Variants in HPD observed in about 807,000 individuals in gnomAD.
The protein encoded by HPD is 4-hydroxyphenylpyruvate dioxygenase.
Under a neutral mutation model 56.9 loss-of-function variants are expected in HPD, and 35 were observed. That is an observed-to-expected ratio of 0.62 (90% CI 0.47 to 0.82). HPD has a LOEUF of 0.82. HPD is among the 40% of genes least tolerant of loss of function. The probability of loss-of-function intolerance (pLI) is 0.00; values close to 1 mark genes in which losing one functional copy is unlikely to be tolerated. For synonymous variants in HPD, 186 were observed against 200.2 expected (o/e 0.93, Z 0.60); for missense variants, 442 against 506.8 (o/e 0.87, Z 1.23).
At chr12:121,860,014 T>C (rs1450130728), upstream of HPD, among the ~76,000 whole-genome samples, 1 of 152,068 alleles carries the variant, frequency 6.6e-6, no homozygotes, top group Non-Finnish European at 1.5e-5. Context: ...AAACATTAGC[T>C]GGGCACGGTG....
intron 8 of HPD, among the ~76,000 whole-genome samples, 171 bp downstream of exon 8, chr12:121,849,516 A>G (rs1335604822): frequency 1.3e-5 from 2 of 152,096 alleles, no homozygotes; most frequent in Non-Finnish European, 2.9e-5. Context: ...TGCAGAGGCC[A>G]TGGTCTCAGC....
chr12:121,843,302 G>A (rs1049337600), intron 12 of HPD, among the ~76,000 whole-genome samples: 26 of 152,134 alleles, frequency 1.7e-4, no homozygotes, highest in Admixed American at 1.4e-3. Context: ...ATCCACTCTA[G>A]CCTATTCTTT....
intron 8 of HPD, 113 bp from the exon 9 acceptor site, chr12:121,849,189 T>G: frequency 1.4e-6 from 1 of 723,734 alleles, no homozygotes; most frequent in South Asian, 1.5e-5. Flanking sequence ...GAGTTCTATT[T>G]TTTTGTAGAG....
At chr12:121,847,301 C>T (rs1430215811) in intron 9 of HPD, 87 bp from the exon 10 acceptor site, 10 of 1,258,550 alleles carry the variant, frequency 7.9e-6, no homozygotes, top group Admixed American at 7.2e-5. Context: ...GAATCTGTCC[C>T]TGAGCAGGCT....
rs1247431714 is a variant in HPD at position 121,857,332 on chromosome 12, C to T, written c.194G>A (p.Gly65Glu). The T allele has an allele frequency of 1.2e-6, 2 of 1,610,308 alleles. No individual in the cohort carries two copies. Among genetic ancestry groups the T allele is most frequent in the Non-Finnish European group, 1.7e-6 (2 of 1,176,550 alleles). ...REVVSHVIKQGKIVFVLSSAL... is the reference protein window; with the variant it reads ...REVVSHVIKQEKIVFVLSSAL... ...GTCCTGGGGGTGGTGACTCACCTTCCCTTGTTTGATTACATGGCTGACCAC... is the reference window on the plus strand; with the variant it reads ...GTCCTGGGGGTGGTGACTCACCTTCTCTTGTTTGATTACATGGCTGACCAC... The change falls in exon 4 of 14, where the codon GGG (glycine) becomes GAG (glutamate). Residue 65 changes from glycine to glutamate, a missense_variant. Transcript: ENST00000289004.
intron 11 of HPD, among the ~76,000 whole-genome samples, 180 bp downstream of exon 11, chr12:121,846,682 C>CT (rs1877593835): frequency 6.6e-6 from 1 of 152,152 alleles, no homozygotes; most frequent in Non-Finnish European, 1.5e-5. Flanking sequence ...AGACTGAACT[C>CT]TCTGGGGGTG....
rs560715209 is a variant in HPD, at chr12:121,839,777, C to G, written c.1133G>C (p.Arg378Pro). ...FKAFEEEQNL[R>P]GNLTNMETNG... ...GGTCTCCATGTTGGTGAGGTTACCCCGCAGGTTCTGCTCCTCCTCGAAAGC... is the reference window on the plus strand; with the variant it reads ...GGTCTCCATGTTGGTGAGGTTACCCGGCAGGTTCTGCTCCTCCTCGAAAGC... Residue 378 changes from arginine (R) to proline (P), a missense_variant, in exon 14 of 14, where the codon CGG (arginine) becomes CCG (proline). By Grantham distance (103) the Arg-to-Pro change is moderately radical. Coordinates refer to ENST00000289004, the MANE Select transcript of HPD (RefSeq NM_002150.3). 1.2e-6 allele frequency: 2 copies of G among 1,614,182 alleles called. No individual in the cohort carries two copies. Among genetic ancestry groups the G allele is most frequent in the African/African-American group, 1.3e-5 (1 of 75,048 alleles).
upstream of HPD, among the ~76,000 whole-genome samples, chr12:121,864,778 G>C (rs902305352): frequency 1.3e-5 from 2 of 151,328 alleles, no homozygotes; most frequent in Non-Finnish European, 1.5e-5. Flanking sequence ...GAGTGAACCC[G>C]GGGCGCGGAG....
At chr12:121,841,605 C>G (rs999517115) in intron 12 of HPD, among the ~76,000 whole-genome samples, 2 of 152,092 alleles carry the variant, frequency 1.3e-5, no homozygotes, top group Non-Finnish European at 2.9e-5. Context: ...GAACGAAGCA[C>G]TGACACACAC....
the HPD span, among the ~76,000 whole-genome samples, chr12:121,876,400 G>A: frequency 3.9e-5 from 6 of 152,234 alleles, no homozygotes; most frequent in South Asian, 4.1e-4. Context: ...CCCTGCTTTC[G>A]TTGCCTGAGG....
chr12:121,873,822 A>C, the HPD span, among the ~76,000 whole-genome samples: 2 of 150,430 alleles, frequency 1.3e-5, no homozygotes, highest in East Asian at 2.0e-4. Context: ...TCTCAAAAAA[A>C]AAAAATCATT....
At chr12:121,861,675 T>C (rs1466595810), upstream of HPD, among the ~76,000 whole-genome samples, 6 of 152,198 alleles carry the variant, frequency 3.9e-5, no homozygotes, top group Non-Finnish European at 8.8e-5. Context: ...TTTTAGTTGC[T>C]AATGAGCCCT....
At chr12:121,856,109 C>T in intron 6 of HPD, 2 of 639,766 alleles carry the variant, frequency 3.1e-6, no homozygotes, top group South Asian at 3.5e-5. Context: ...GCAGGGCACC[C>T]CCGGAGCCCA....
At chr12:121,847,917 G>A (rs938432109) in intron 9 of HPD, among the ~76,000 whole-genome samples, 2 of 152,198 alleles carry the variant, frequency 1.3e-5, no homozygotes, top group South Asian at 2.1e-4. Context: ...ACCTGCCTGG[G>A]CCTCCAAAGT....
intron 11 of HPD, among the ~76,000 whole-genome samples, chr12:121,844,619 C>T (rs1023156125): frequency 3.3e-5 from 5 of 151,768 alleles, no homozygotes; most frequent in Admixed American, 2.0e-4. Context: ...CGAGGTGGCT[C>T]ACGCCTGTAA....
intron 6 of HPD, among the ~76,000 whole-genome samples, chr12:121,855,103 T>C (rs1382766331): frequency 6.6e-6 from 1 of 152,162 alleles, no homozygotes; most frequent in Non-Finnish European, 1.5e-5. Context: ...TCACCATCTG[T>C]AAAAAGAATG....
upstream of HPD, among the ~76,000 whole-genome samples, chr12:121,864,861 CA>C: frequency 7.7e-6 from 1 of 129,832 alleles, no homozygotes; most frequent in African/African-American, 3.8e-5. Flanking sequence ...TCAAAAACAA[CA>C]ACAACAACAA....
chr12:121,878,497 C>T, the HPD span, among the ~76,000 whole-genome samples: 11 of 151,940 alleles, frequency 7.2e-5, no homozygotes, highest in East Asian at 1.9e-4. Flanking sequence ...TACAGGCGTA[C>T]GCCACCACGC....
rs534787264 is a variant in HPD, at chr12:121,843,783, G to A, written c.881C>T (p.Thr294Met). 10 of 1,614,076 alleles carry A rather than the reference G, an allele frequency of 6.2e-6. No homozygotes were observed. The highest frequency in any genetic ancestry group is 2.2e-5 in the East Asian group (1 of 44,884). ...RGLEFLSVPS[T>M]YYKQLREKLK... ...CTTCTCCCGCAGTTGTTTGTAGTAC[G>A]TGGAGGGAACAGATAAGAACTCCAG... The change falls in exon 12 of 14, where the codon ACG becomes ATG. Residue 294 changes from threonine to methionine, a missense_variant. Coordinates refer to ENST00000289004, the MANE Select transcript of HPD (RefSeq NM_002150.3).
Sources: gnomAD v4.1 joint callset for allele counts (sites outside exome capture counted in the v4.1 genomes callset) on GRCh38, gnomAD v4.1.1 for gene constraint, MANE v1.5 for transcripts, NCBI Gene and HGNC (gene_info 2026-07-23, HGNC 2026-07-21) for gene names.